The following FBXO25 variants were observed in gnomAD, a reference collection of about 807,000 sequenced individuals.
FBXO25 encodes the protein F-box protein 25, also known as F-box only protein 25.
Under a neutral mutation model 51.9 loss-of-function variants are expected in FBXO25, and 45 were observed. The observed-to-expected ratio is 0.87, with a 90% CI of 0.68 to 1.11. The LOEUF is 1.11. Among genes scored for constraint, FBXO25 ranks in the 50% most tolerant of loss-of-function variants. The probability of loss-of-function intolerance (pLI) is 0.00; values close to 1 mark genes in which losing one functional copy is unlikely to be tolerated. For missense variants in FBXO25, 507 were observed against 428.5 expected, an observed-to-expected ratio of 1.18 and a Z score of -1.62; for synonymous variants, 199 against 151.0, an observed-to-expected ratio of 1.32 and a Z score of -2.33.
chr8:435,364 A>G (rs1249253968), intron 4 of FBXO25: 1 of 494,566 alleles, frequency 2.0e-6, no homozygotes, highest in Non-Finnish European at 3.6e-6. Flanking sequence ...TTTAATAAAT[A>G]TTTGTCTTTG....
At chr8:468,654 C>T (rs1800346274) in intron 9 of FBXO25, 61 bp from the exon 10 acceptor site, 1 of 1,333,184 alleles carries the variant, frequency 7.5e-7, no homozygotes, top group South Asian at 1.2e-5. Context: ...CCCTCAAGCA[C>T]CATCACTAGA....
At chr8:419,279 G>A (rs960997037) in intron 2 of FBXO25, among the ~76,000 whole-genome samples, 1 of 152,172 alleles carries the variant, frequency 6.6e-6, no homozygotes, top group Non-Finnish European at 1.5e-5. Flanking sequence ...TGAGTCATGA[G>A]AATCACTTGA....
chr8:424,141 C>CA (rs1563068680), intron 2 of FBXO25, among the ~76,000 whole-genome samples: 1 of 134,796 alleles, frequency 7.4e-6, no homozygotes, highest in Non-Finnish European at 1.5e-5. Context: ...TTTTTTGAGA[C>CA]AGAGTCTCAC....
intron 9 of FBXO25, among the ~76,000 whole-genome samples, chr8:465,626 A>G (rs1466518191): frequency 6.6e-6 from 1 of 152,196 alleles, no homozygotes; most frequent in Admixed American, 6.5e-5. Context: ...TTCAGATTTC[A>G]GATTTTTTTC....
At position 474,611 on chromosome 8, in the gene FBXO25, G is replaced by A. The variant is rs1800587950; in HGVS notation, c.*5807G>A. ...TGGTATCCTGCTGAGATTTTGATTT[G>A]CATTTCCGTAATGACTGGTGATGCT... is the stretch of plus-strand genomic sequence containing the variant. On this transcript the variant is annotated 3_prime_UTR_variant, in exon 10 of 10. Coordinates refer to ENST00000350302, the MANE Select transcript of FBXO25 (RefSeq NM_183420.2). 1 of 401,586 alleles carries A rather than the reference G, an allele frequency of 2.5e-6. No individual in the cohort carries two copies. The allele number at this position is 401,586 out of a possible 1,614,324, so 24.9% of individuals were successfully genotyped here. A position where few individuals can be genotyped will look rare whatever the true frequency, so the allele number is the denominator to read the frequency against.
rs1373544585 is a variant in FBXO25 at position 423,161 on chromosome 8, T to G, written c.135-8180T>G. Among the ~76,000 whole-genome samples, 3 of 152,212 alleles carry G rather than the reference T, an allele frequency of 2.0e-5. 1 individual carries two copies. The highest frequency in any genetic ancestry group is 2.9e-5 in the Non-Finnish European group (2 of 68,038). ...GGGCAATTGGGACTACAGGGTTTTC[T>G]CTCTGTCTTCCTGGACTTCCCTCAT... is the stretch of plus-strand genomic sequence containing the variant. On this transcript the variant is annotated intron_variant, in intron 2 of 9. Transcript: ENST00000350302.
Position 421,698 on chromosome 8 carries a change from T to C in FBXO25, c.134+8485T>C, listed in dbSNP as rs545513303. Among the ~76,000 whole-genome samples the C allele has an allele frequency of 2.0e-5, 3 of 152,236 alleles. No individual in the cohort carries two copies. The South Asian group carries it at 6.2e-4, about 32-fold the overall frequency. Reference sequence around the variant, plus strand: ...CTGTTGACAGAGGGCCTTAGAGCAGTGACACCTGCATCAGTGACTAGAGCC... The same window carrying C: ...CTGTTGACAGAGGGCCTTAGAGCAGCGACACCTGCATCAGTGACTAGAGCC... On this transcript the variant is annotated intron_variant, in intron 2 of 9. Coordinates refer to ENST00000350302, the MANE Select transcript of FBXO25 (RefSeq NM_183420.2).
At chr8:443,555 C>T (rs961671695) in intron 5 of FBXO25, among the ~76,000 whole-genome samples, 15 of 151,022 alleles carry the variant, frequency 9.9e-5, no homozygotes, top group Non-Finnish European at 1.9e-4. Flanking sequence ...GGGACAACCC[C>T]AAAAATAGAA....
intron 5 of FBXO25, among the ~76,000 whole-genome samples, chr8:445,966 T>G (rs1798713793): frequency 6.6e-6 from 1 of 151,982 alleles, no homozygotes; most frequent in African/African-American, 2.4e-5. Flanking sequence ...TCCTCATCTC[T>G]GCTCCTGAGT....
intron 5 of FBXO25, among the ~76,000 whole-genome samples, chr8:448,651 G>A (rs2116706946): frequency 6.6e-6 from 1 of 152,358 alleles, no homozygotes; most frequent in South Asian, 2.1e-4. Flanking sequence ...CTGTGTGGCT[G>A]AGGGTGACGG....
At chr8:408,966 A>G (rs1333177868) in intron 1 of FBXO25, among the ~76,000 whole-genome samples, 1 of 152,226 alleles carries the variant, frequency 6.6e-6, no homozygotes, top group Non-Finnish European at 1.5e-5. Context: ...AAATAAAGGT[A>G]ATTTTAATTA....
chr8:463,666 C>T (rs1799961363), intron 9 of FBXO25, among the ~76,000 whole-genome samples: 1 of 152,230 alleles, frequency 6.6e-6, no homozygotes, highest in South Asian at 2.1e-4. Context: ...GCATTTTTCT[C>T]ATTCATATGA....
intron 5 of FBXO25, among the ~76,000 whole-genome samples, chr8:441,151 C>G (rs1221289196): frequency 6.6e-6 from 1 of 151,774 alleles, no homozygotes; most frequent in African/African-American, 2.4e-5. Flanking sequence ...CAGCATGATA[C>G]TGGTACCAAA....
At chr8:415,746 TC>T (rs1796757138) in intron 2 of FBXO25, among the ~76,000 whole-genome samples, 1 of 152,214 alleles carries the variant, frequency 6.6e-6, no homozygotes. Context: ...CTGGGTCTTC[TC>T]TCCAGCGTAG....
intron 2 of FBXO25, among the ~76,000 whole-genome samples, chr8:430,065 C>T (rs1202965992): frequency 6.6e-6 from 1 of 152,232 alleles, no homozygotes; most frequent in African/African-American, 2.4e-5. Context: ...GTGTCCTTCT[C>T]CCTGTACGTA....
At chr8:439,904 C>CCTTTCCTATGTTTAGAT (rs1222424439) in intron 5 of FBXO25, among the ~76,000 whole-genome samples, 2 of 152,174 alleles carry the variant, frequency 1.3e-5, no homozygotes, top group Non-Finnish European at 2.9e-5. Context: ...CCTGTTTTTA[C>CCTTTCCTATGTTTAGAT]AAATAATAAT....
At chr8:429,894 T>A (rs1293080595) in intron 2 of FBXO25, among the ~76,000 whole-genome samples, 2 of 152,266 alleles carry the variant, frequency 1.3e-5, no homozygotes, top group Non-Finnish European at 2.9e-5. Flanking sequence ...CACAGCCATC[T>A]AGGCCCAGAT....
intron 2 of FBXO25, among the ~76,000 whole-genome samples, chr8:426,075 T>G (rs1797457201): frequency 6.6e-6 from 1 of 152,170 alleles, no homozygotes. Context: ...GTCTGCATTG[T>G]GCACGCTGTT....
At chr8:413,355 T>C (rs779661777) in intron 2 of FBXO25, 142 bp downstream of exon 2, 55 of 1,328,234 alleles carry the variant, frequency 4.1e-5, no homozygotes, top group Non-Finnish European at 4.7e-5. Context: ...GTTGTTTAGC[T>C]AAAAAATGAG....
Sources: allele counts gnomAD v4.1 joint callset (sites outside exome capture counted in the v4.1 genomes callset), GRCh38; gene constraint gnomAD v4.1.1; transcripts MANE v1.5; gene names NCBI Gene and HGNC (gene_info 2026-07-23, HGNC 2026-07-21).